PCDHA2: variants seen among roughly 807,000 people sequenced by gnomAD.
PCDHA2 encodes the protein protocadherin alpha 2.
Under a neutral mutation model 66.0 loss-of-function variants are expected in PCDHA2, and 58 were observed. The ratio of observed to expected loss-of-function variants is 0.88; its 90% CI spans 0.71 to 1.09. The LOEUF (loss-of-function observed/expected upper bound fraction) is 1.09. Ranked by LOEUF, PCDHA2 falls within the 50% of genes least tolerant of loss-of-function variation. PCDHA2 has a pLI of 0.00. For synonymous variants in PCDHA2, 634 were observed against 554.0 expected (o/e 1.14, Z -2.03); for missense variants, 1,267 against 1,242.3 (o/e 1.02, Z -0.30).
intron 1 of PCDHA2, among the ~76,000 whole-genome samples, chr5:140,975,246 G>T (rs1304794782): frequency 6.6e-6 from 1 of 152,136 alleles, no homozygotes; most frequent in Non-Finnish European, 1.5e-5. Context: ...TCCCTCTTAT[G>T]CTTCAGATCT....
chr5:140,968,323 C>G, intron 1 of PCDHA2: 1 of 1,614,114 alleles, frequency 6.2e-7, no homozygotes, highest in Non-Finnish European at 8.5e-7. Flanking sequence ...TGCCAGTCAC[C>G]TCCTATGTCT....
intron 1 of PCDHA2, chr5:140,825,908 A>G (rs1214842768): frequency 6.6e-6 from 1 of 152,422 alleles, no homozygotes; most frequent in Non-Finnish European, 1.5e-5. Flanking sequence ...GTTTGAGACT[A>G]CGCTAGACAG....
chr5:141,001,999 A>G (rs1554258445), intron 3 of PCDHA2, among the ~76,000 whole-genome samples: 1 of 152,198 alleles, frequency 6.6e-6, no homozygotes, highest in African/African-American at 2.4e-5. Flanking sequence ...TTCACTTGCA[A>G]ACACAGAATC....
intron 1 of PCDHA2, chr5:140,882,721 A>G: frequency 6.2e-7 from 1 of 1,614,170 alleles, no homozygotes; most frequent in East Asian, 2.2e-5. Context: ...CGGAAACTCG[A>G]TTTCCACTAG....
At chr5:140,982,241 T>G in intron 2 of PCDHA2, 1 of 696,668 alleles carries the variant, frequency 1.4e-6, no homozygotes, top group South Asian at 3.3e-5. Context: ...AGAATTGCCA[T>G]AAAGATAGAA....
intron 1 of PCDHA2, chr5:140,868,015 G>A (rs1161077691): frequency 6.6e-6 from 1 of 152,028 alleles, no homozygotes; most frequent in African/African-American, 2.4e-5. Flanking sequence ...TTAGATTAAG[G>A]AAACCAATGT....
At chr5:140,985,938 A>G (rs960910585) in intron 3 of PCDHA2, among the ~76,000 whole-genome samples, 8 of 151,748 alleles carry the variant, frequency 5.3e-5, no homozygotes, top group Non-Finnish European at 8.8e-5. Context: ...CCGGGGTTTC[A>G]CTGTGTTAGC....
At position 140,821,623 on chromosome 5, in the gene PCDHA2, T is replaced by C. The variant is rs1360154097; in HGVS notation, c.2388+24271T>C. On this transcript the variant is annotated intron_variant, in intron 1 of 3. Transcript: ENST00000526136. ...AGGAATACAGTGAGTAGATTTTCCT[T>C]AGACAGAAAGGAAAAGAACCTTCCA... The C allele has an allele frequency of 5.5e-6, 5 of 902,228 alleles. No individual in the cohort carries two copies. In the East Asian group the frequency reaches 1.3e-4, roughly 24 times the overall value. The allele number at this position is 902,228 out of a possible 1,614,324, so 55.9% of individuals were successfully genotyped here.
At position 140,830,572 on chromosome 5, in the gene PCDHA2, T is replaced by C. The variant is rs1012149476; in HGVS notation, c.2388+33220T>C. 7 of 871,722 alleles carry C rather than the reference T, an allele frequency of 8.0e-6. No individual in the cohort carries two copies. In the African/African-American group the frequency reaches 1.2e-4, roughly 15 times the overall value. 54.0% of individuals were successfully genotyped at this position (871,722 alleles called of 1,614,324 possible). On this transcript the variant is annotated intron_variant, in intron 1 of 3. Coordinates refer to ENST00000526136, the MANE Select transcript of PCDHA2 (RefSeq NM_018905.3). The stretch of plus-strand genomic sequence containing the variant: ...TATTTGTCTTCTATATTTCTGTTTT[T>C]AATTTTTAATTAATTTTACAAAATT...
chr5:140,874,521 T>C (rs571924676), intron 1 of PCDHA2, among the ~76,000 whole-genome samples: 4 of 152,358 alleles, frequency 2.6e-5, no homozygotes, highest in African/African-American at 9.6e-5. Flanking sequence ...CTTTAGTCAA[T>C]GAGATTAGGC....
At position 140,822,730 on chromosome 5, in the gene PCDHA2, A is replaced by G. The variant is rs2150118884; in HGVS notation, c.2388+25378A>G. The G allele has an allele frequency of 2.5e-6, 4 of 1,613,236 alleles. No individual in the cohort carries two copies. The Admixed American group carries it at 5.0e-5, about 20-fold the overall frequency. On this transcript the variant is annotated intron_variant, in intron 1 of 3. Transcript: ENST00000526136. Reference sequence around the variant, plus strand: ...AGACTATAACTCATATGAAATTAATATTGATGCCATGGATAAAAGTACATT... The same window carrying G: ...AGACTATAACTCATATGAAATTAATGTTGATGCCATGGATAAAAGTACATT...
intron 1 of PCDHA2, chr5:140,850,632 C>G: frequency 6.3e-7 from 1 of 1,598,646 alleles, no homozygotes; most frequent in Non-Finnish European, 8.6e-7. Context: ...CCTGTTGGTT[C>G]TCACGCTGCT....
At chr5:140,822,327 TGAA>T (rs2150115560) in intron 1 of PCDHA2, 3 of 1,613,994 alleles carry the variant, frequency 1.9e-6, no homozygotes, top group East Asian at 4.5e-5. Flanking sequence ...TTAAAACAAA[TGAA>T]GAAGAAACGA....
chr5:140,881,220 G>A (rs1437715335), intron 1 of PCDHA2: 1 of 247,310 alleles, frequency 4.0e-6, no homozygotes, highest in Non-Finnish European at 6.5e-6. Context: ...TTGTTTCTTG[G>A]AAAATTAAAG....
intron 1 of PCDHA2, among the ~76,000 whole-genome samples, chr5:140,797,988 G>A (rs1368447304): frequency 6.6e-6 from 1 of 151,976 alleles, no homozygotes; most frequent in African/African-American, 2.4e-5. Flanking sequence ...TAGTAACTGG[G>A]ATTACAGGCG....
chr5:140,989,403 G>A (rs1327699534), intron 3 of PCDHA2, among the ~76,000 whole-genome samples: 4 of 152,182 alleles, frequency 2.6e-5, no homozygotes, highest in African/African-American at 9.7e-5. Context: ...GGAGGGTGGA[G>A]AGTCTGCACT....
chr5:140,838,659 G>T (rs2150291095), intron 1 of PCDHA2, among the ~76,000 whole-genome samples: 1 of 152,070 alleles, frequency 6.6e-6, no homozygotes, highest in South Asian at 2.1e-4. Context: ...TAGTTAACGG[G>T]GCATGGTGGC....
At chr5:140,871,308 G>GC (rs2052955236) in intron 1 of PCDHA2, 1 of 1,613,880 alleles carries the variant, frequency 6.2e-7, no homozygotes. Flanking sequence ...CGCCGGGGAA[G>GC]CCCACGCTGG....
intron 1 of PCDHA2, among the ~76,000 whole-genome samples, chr5:140,959,564 G>T (rs1440482785): frequency 6.6e-6 from 1 of 152,072 alleles, no homozygotes; most frequent in Non-Finnish European, 1.5e-5. Flanking sequence ...ATCAGTACTA[G>T]ATTTTTTGTT....
Sources: gnomAD v4.1 joint callset for allele counts (sites outside exome capture counted in the v4.1 genomes callset) on GRCh38, gnomAD v4.1.1 for gene constraint, MANE v1.5 for transcripts, NCBI Gene and HGNC (gene_info 2026-07-23, HGNC 2026-07-21) for gene names.